HDAC9: variants seen among roughly 807,000 people sequenced by gnomAD.
HDAC9 encodes the protein histone deacetylase 9, also known as MEF-2 interacting transcription repressor (MITR) protein.
Under a neutral mutation model 139.4 loss-of-function variants are expected in HDAC9, and 41 were observed. That is an observed-to-expected ratio of 0.29 (90% CI 0.23 to 0.38). The LOEUF is 0.38. Ranked by LOEUF, HDAC9 falls within the 10% of genes least tolerant of loss-of-function variation. The pLI, the probability that HDAC9 is intolerant of heterozygous loss-of-function variation, is 1.00. For missense variants in HDAC9, 1,147 were observed against 1,297.0 expected, an observed-to-expected ratio of 0.88 and a Z score of 1.78; for synonymous variants, 517 against 476.2, an observed-to-expected ratio of 1.09 and a Z score of -1.12.
chr7:18,749,186 T>C (rs748474805), intron 14 of HDAC9, 48 bp downstream of exon 14: 57 of 1,581,830 alleles, frequency 3.6e-5, no homozygotes, highest in Admixed American at 6.8e-5. Flanking sequence ...ATAAATCATG[T>C]AAAGAGGCCA....
intron 1 of HDAC9, among the ~76,000 whole-genome samples, chr7:18,116,532 C>A (rs970631050): frequency 6.6e-6 from 1 of 152,018 alleles, no homozygotes; most frequent in Admixed American, 6.5e-5. Flanking sequence ...ATAGTTCATT[C>A]TAGATCAATA....
At chr7:18,186,062 G>T (rs955481834) in intron 2 of HDAC9, among the ~76,000 whole-genome samples, 1 of 152,204 alleles carries the variant, frequency 6.6e-6, no homozygotes, top group Admixed American at 6.5e-5. Flanking sequence ...ACACTATGGA[G>T]TAAGGACTAT....
intron 2 of HDAC9, among the ~76,000 whole-genome samples, chr7:18,178,836 G>A (rs377524887): frequency 4.6e-5 from 7 of 152,062 alleles, no homozygotes; most frequent in Non-Finnish European, 7.4e-5. Context: ...GAAAACATCC[G>A]GCTTAAAATT....
intron 1 of HDAC9, among the ~76,000 whole-genome samples, chr7:18,334,853 G>T (rs1781469266): frequency 6.6e-6 from 1 of 151,416 alleles, no homozygotes; most frequent in African/African-American, 2.4e-5. Context: ...AATGGGTCCA[G>T]AGATTACAGG....
At chr7:18,420,482 A>G (rs985544277) in intron 1 of HDAC9, among the ~76,000 whole-genome samples, 1 of 152,216 alleles carries the variant, frequency 6.6e-6, no homozygotes, top group Admixed American at 6.5e-5. Flanking sequence ...GGTTTTAGTT[A>G]CAGCATTGTA....
chr7:18,723,107 T>C (rs1470780623), intron 12 of HDAC9, among the ~76,000 whole-genome samples: 3 of 152,180 alleles, frequency 2.0e-5, no homozygotes, highest in Admixed American at 2.0e-4. Context: ...TTGTCTGGAC[T>C]CTATTTCTCA....
intron 21 of HDAC9, among the ~76,000 whole-genome samples, chr7:18,836,680 G>T (rs1019307256): frequency 6.6e-6 from 1 of 152,052 alleles, no homozygotes; most frequent in Non-Finnish European, 1.5e-5. Context: ...CTCTTTGAGA[G>T]AATTTTAAAA....
At chr7:18,641,453 G>A (rs530395722) in intron 8 of HDAC9, among the ~76,000 whole-genome samples, 1 of 152,064 alleles carries the variant, frequency 6.6e-6, no homozygotes, top group South Asian at 2.1e-4. Flanking sequence ...GTGTTTTATA[G>A]GACATCTTTG....
chr7:18,727,855 A>T (rs574369374), intron 13 of HDAC9, 98 bp downstream of exon 13: 1 of 994,596 alleles, frequency 1.0e-6, no homozygotes, highest in Non-Finnish European at 1.4e-6. Flanking sequence ...CAATAGCAGA[A>T]CACTCCATTT....
At chr7:18,365,506 G>A (rs918241330) in intron 1 of HDAC9, among the ~76,000 whole-genome samples, 1 of 152,080 alleles carries the variant, frequency 6.6e-6, no homozygotes, top group Non-Finnish European at 1.5e-5. Context: ...ATGAAAGTGT[G>A]ATGAATCATT....
At chr7:18,435,945 T>TTA (rs145366181) in intron 1 of HDAC9, among the ~76,000 whole-genome samples, 15,993 of 148,096 alleles carry the variant, frequency 0.11, 1,187 homozygotes, top group Non-Finnish European at 0.16. Context: ...ACTGGAAAAT[T>TTA]TATATATATA....
At chr7:18,614,583 T>C (rs1838083032) in intron 6 of HDAC9, among the ~76,000 whole-genome samples, 1 of 152,190 alleles carries the variant, frequency 6.6e-6, no homozygotes, top group Admixed American at 6.5e-5. Flanking sequence ...GAGTCTCTCT[T>C]CTTCTCTTCT....
chr7:18,386,552 G>A (rs950100978), intron 1 of HDAC9, among the ~76,000 whole-genome samples: 7 of 152,204 alleles, frequency 4.6e-5, no homozygotes, highest in African/African-American at 7.2e-5. Flanking sequence ...CCCAGGTCAC[G>A]CTCGCCTTGA....
At chr7:18,496,158 G>C in intron 1 of HDAC9, 104 bp from the exon 2 acceptor site, 1 of 1,428,380 alleles carries the variant, frequency 7.0e-7, no homozygotes, top group East Asian at 2.4e-5. Flanking sequence ...GGTAGCTCCT[G>C]GGGCCGGTGC....
chr7:18,108,290 A>G (rs910746852), intron 1 of HDAC9, among the ~76,000 whole-genome samples: 6 of 152,126 alleles, frequency 3.9e-5, no homozygotes, highest in African/African-American at 1.4e-4. Flanking sequence ...ATGACCAGGG[A>G]GTGTGGGGCA....
chr7:18,841,475 G>C (rs1406020703), intron 21 of HDAC9, among the ~76,000 whole-genome samples: 1 of 151,978 alleles, frequency 6.6e-6, no homozygotes, highest in Non-Finnish European at 1.5e-5. Context: ...AGCTTTTCAA[G>C]TCCTTGAGTT....
At chr7:18,690,933 C>T (rs1386866016) in intron 12 of HDAC9, among the ~76,000 whole-genome samples, 1 of 151,710 alleles carries the variant, frequency 6.6e-6, no homozygotes, top group African/African-American at 2.4e-5. Context: ...ATATACCTTG[C>T]GATTATAGTT....
chr7:18,918,584 C>T (rs1298703162), intron 22 of HDAC9, among the ~76,000 whole-genome samples: 1 of 151,886 alleles, frequency 6.6e-6, no homozygotes, highest in Non-Finnish European at 1.5e-5. Context: ...CCAAAATAAC[C>T]ACAGTCTTAC....
chr7:18,572,786 G>T (rs543254290), intron 2 of HDAC9, among the ~76,000 whole-genome samples: 1 of 152,020 alleles, frequency 6.6e-6, no homozygotes, highest in Admixed American at 6.6e-5. Context: ...GCTTGATTTT[G>T]TTTCCGTAGT....
Sources: gnomAD v4.1 joint callset for allele counts (sites outside exome capture counted in the v4.1 genomes callset) on GRCh38, gnomAD v4.1.1 for gene constraint, MANE v1.5 for transcripts, NCBI Gene and HGNC (gene_info 2026-07-23, HGNC 2026-07-21) for gene names.